AHDC1: variants seen among roughly 807,000 people sequenced by gnomAD.
AHDC1 encodes transcription factor Gibbin.
AHDC1 carries 7 observed loss-of-function variants against 87.9 expected under a neutral mutation model. The ratio of observed to expected loss-of-function variants is 0.08; its 90% CI spans 0.05 to 0.15. The LOEUF (loss-of-function observed/expected upper bound fraction) is 0.15, where lower values mean the gene tolerates loss of function less well. AHDC1 is among the 10% of genes least tolerant of loss of function. The pLI, the probability that AHDC1 is intolerant of heterozygous loss-of-function variation, is 1.00. For synonymous variants in AHDC1, 1,051 were observed against 1,006.8 expected, an observed-to-expected ratio of 1.04 and a Z score of -0.83; for missense variants, 1,841 against 2,253.2, an observed-to-expected ratio of 0.82 and a Z score of 3.70.
intron 3 of AHDC1, among the ~76,000 whole-genome samples, chr1:27,577,542 CA>C (rs1247818820): frequency 6.6e-6 from 1 of 152,186 alleles, no homozygotes; most frequent in East Asian, 1.9e-4. Context: ...AGATGGCATA[CA>C]GGGGGAACAG....
chr1:27,536,616 T>C (rs1019517673), intron 8 of AHDC1, among the ~76,000 whole-genome samples: 3 of 152,136 alleles, frequency 2.0e-5, no homozygotes, highest in African/African-American at 7.2e-5. Flanking sequence ...TGATTTTATC[T>C]GGGGTAACTG....
rs2020050363 is a variant in AHDC1 at position 27,560,935 on chromosome 1, T to C, written c.-628-2052A>G. 6.6e-6 allele frequency among the ~76,000 whole-genome samples: 1 copy of C among 152,086 alleles called. No individual in the cohort carries two copies. Among genetic ancestry groups the C allele is most frequent in the South Asian group, 2.1e-4 (1 of 4,806 alleles). ...TGTCACTGTGTTTGTGTGTGCCTGC[T>C]TCCCTCTTCCCTCCCTCTCCCTCCC... On this transcript the variant is annotated intron_variant, in intron 3 of 8. Coordinates refer to ENST00000673934, the MANE Select transcript of AHDC1 (RefSeq NM_001371928.1). The surrounding 1 kb of genome is among the most constrained non-coding windows in gnomAD (Gnocchi z 4.1).
chr1:27,569,010 G>A (rs1035580480), intron 3 of AHDC1, among the ~76,000 whole-genome samples: 1 of 152,012 alleles, frequency 6.6e-6, no homozygotes, highest in Non-Finnish European at 1.5e-5. Context: ...CCAGAAATCG[G>A]CCGTAAGAAG....
In AHDC1 at chr1:27,598,695, G is replaced by A. The variant is rs2089444009; in HGVS notation, c.-629+4702C>T. 6.6e-6 allele frequency among the ~76,000 whole-genome samples: 1 copy of A among 152,152 alleles called. No individual in the cohort carries two copies. The highest frequency in any genetic ancestry group is 2.1e-4 in the South Asian group (1 of 4,832). ...TCACACCAGTGTCACCCCCACAACAGTGGAGGCTGGTTTTGGCCATGTAGT... is the reference window on the plus strand; with the variant it reads ...TCACACCAGTGTCACCCCCACAACAATGGAGGCTGGTTTTGGCCATGTAGT... On this transcript the variant is annotated intron_variant, in intron 3 of 8. Transcript: ENST00000673934. This position sits in a 1 kb window ranked among gnomAD's most constrained non-coding sequence, Gnocchi z 4.2.
At position 27,549,270 on chromosome 1, in the gene AHDC1, G is replaced by A. The variant is rs2019380120; in HGVS notation, c.2846C>T (p.Pro949Leu). The A allele has an allele frequency of 6.2e-7, 1 of 1,603,748 alleles. No homozygotes were observed. ...TGAGCGGGCCATGGCTGAGGGCGGG[G>A]GCACCAGCTTGGGGAAGGTCTCGGC... ...RAAETFPKLV[P>L]PPSAMARSPT... The change falls in exon 8 of 9, where the codon CCC (proline) becomes CTC (leucine). Residue 949 changes from proline to leucine, a missense_variant. Physicochemically the swap from Pro to Leu is moderately conservative, Grantham distance 98. Around this residue, in one of 13 missense-constraint regions of AHDC1, gnomAD observed 378 missense variants for 399.0 expected, o/e 0.95. Transcript: ENST00000673934.
rs756730820 is a variant in AHDC1 at position 27,551,977 on chromosome 1, G to C, written c.139C>G (p.Pro47Ala). 1.9e-5 allele frequency: 29 copies of C among 1,493,162 alleles called. No homozygotes were observed. Among genetic ancestry groups the C allele is most frequent in the Non-Finnish European group, 2.5e-5 (28 of 1,119,882 alleles). 92.5% of individuals were successfully genotyped at this position (1,493,162 alleles called of 1,614,324 possible). A position where few individuals can be genotyped will look rare whatever the true frequency, so the allele number is the denominator to read the frequency against. The part of the protein sequence containing the change: ...PLLPTRPPAS[P>A]PDKAFSTHAF... The stretch of plus-strand genomic sequence containing the variant: ...TGGGTGGAGAAGGCCTTGTCAGGTG[G>C]GCTGGCAGGGGGCCGGGTGGGAAGC... Residue 47 changes from proline to alanine, a missense_variant, in exon 8 of 9, where the codon CCA becomes GCA. This residue lies in a region of AHDC1 where 142 missense variants were observed against 165.6 expected (regional missense o/e 0.86). Transcript: ENST00000673934.
At chr1:27,586,009 C>A (rs866976968) in intron 3 of AHDC1, among the ~76,000 whole-genome samples, 31 of 152,278 alleles carry the variant, frequency 2.0e-4, no homozygotes, top group African/African-American at 7.0e-4. Flanking sequence ...ATGCTGGTGT[C>A]CCACAGGCCC....
intron 3 of AHDC1, among the ~76,000 whole-genome samples, chr1:27,572,372 G>A (rs562275810): frequency 2.0e-5 from 3 of 152,046 alleles, no homozygotes; most frequent in African/African-American, 7.2e-5. Context: ...AGATAGAAGG[G>A]AAGAGGCACC....
intron 3 of AHDC1, among the ~76,000 whole-genome samples, chr1:27,587,162 G>A (rs1025939348): frequency 1.3e-5 from 2 of 152,186 alleles, no homozygotes; most frequent in Non-Finnish European, 2.9e-5. Flanking sequence ...AAGACTAATC[G>A]GCTCATTGCA....
At chr1:27,539,125 CT>C (rs1269705597) in intron 8 of AHDC1, among the ~76,000 whole-genome samples, 1 of 148,466 alleles carries the variant, frequency 6.7e-6, no homozygotes, top group African/African-American at 2.5e-5. Context: ...TCCAGAGAAG[CT>C]TTTTTTCTTT....
At chr1:27,575,503 C>T (rs1571305311) in intron 3 of AHDC1, among the ~76,000 whole-genome samples, 1 of 152,098 alleles carries the variant, frequency 6.6e-6, no homozygotes, top group African/African-American at 2.4e-5. Context: ...CCCCTAGGGT[C>T]GGGCGCCAGG....
In AHDC1 at chr1:27,549,463, G is replaced by C. The variant is rs2019395739; in HGVS notation, c.2653C>G (p.Leu885Val). 6.2e-6 allele frequency: 10 copies of C among 1,612,932 alleles called. No homozygotes were observed. The highest frequency in any genetic ancestry group is 8.5e-6 in the Non-Finnish European group (10 of 1,179,824). The change falls in exon 8 of 9, where the codon CTG (leucine) becomes GTG (valine). Residue 885 changes from leucine to valine, a missense_variant. Leu to Val is a conservative substitution (Grantham distance 32, BLOSUM62 1). Coordinates refer to ENST00000673934, the MANE Select transcript of AHDC1 (RefSeq NM_001371928.1). ...GCTCCCCGGCTAGGGAAGGTGGCCA[G>C]GCCCCGCTGGGCAGGCAGGGCACTG... Reference protein sequence around the residue: ...PTSALPAQRGLATFPSRGAKA... With the variant: ...PTSALPAQRGVATFPSRGAKA...
intron 8 of AHDC1, among the ~76,000 whole-genome samples, chr1:27,537,738 C>T (rs1218552426): frequency 6.6e-6 from 1 of 152,196 alleles, no homozygotes; most frequent in Non-Finnish European, 1.5e-5. Flanking sequence ...TTTAGTGCCT[C>T]CGTGACACAC....
chr1:27,565,516 C>T lies in AHDC1; in HGVS notation c.-628-6633G>A, dbSNP rs1479164939. ...CACCCAACCCTTAAGGAGACAGGAC[C>T]CTGATTCCACCCATGCCCTGGACAA... On this transcript the variant is annotated intron_variant, in intron 3 of 8. Transcript: ENST00000673934. The surrounding 1 kb of genome is among the most constrained non-coding windows in gnomAD (Gnocchi z 4.6). Among the ~76,000 whole-genome samples, 3 of 152,176 alleles carry T rather than the reference C, an allele frequency of 2.0e-5. No homozygotes were observed. The highest frequency in any genetic ancestry group is 4.4e-5 in the Non-Finnish European group (3 of 68,034).
chr1:27,594,195 G>A (rs1482903694), intron 3 of AHDC1, among the ~76,000 whole-genome samples: 1 of 152,136 alleles, frequency 6.6e-6, no homozygotes, highest in Non-Finnish European at 1.5e-5. Flanking sequence ...AACCTTCACT[G>A]TCGGAACTGA....
At chr1:27,578,406 C>T (rs1443257975) in intron 3 of AHDC1, among the ~76,000 whole-genome samples, 1 of 151,764 alleles carries the variant, frequency 6.6e-6, no homozygotes, top group Admixed American at 6.6e-5. Flanking sequence ...CTGGCCAACA[C>T]GGTGACACCC....
chr1:27,549,069 T>C lies in AHDC1; in HGVS notation c.3047A>G (p.His1016Arg). The C allele has an allele frequency of 1.9e-6, 3 of 1,562,626 alleles. No individual in the cohort carries two copies. The highest frequency in any genetic ancestry group is 2.6e-6 in the Non-Finnish European group (3 of 1,154,414). The part of the protein sequence containing the change: ...NSLPASPSSA[H>R]SAGYAPPPTG... Reference sequence around the variant, plus strand: ...AGGCGGTGGGGCATAGCCGGCGCTGTGGGCGCTGCTGGGTGAGGCAGGGAG... The same window carrying C: ...AGGCGGTGGGGCATAGCCGGCGCTGCGGGCGCTGCTGGGTGAGGCAGGGAG... Residue 1016 changes from histidine to arginine, a missense_variant, in exon 8 of 9, where the codon CAC (histidine) becomes CGC (arginine). This residue lies in a region of AHDC1 where 378 missense variants were observed against 399.0 expected (regional missense o/e 0.95). Transcript: ENST00000673934.
chr1:27,578,447 G>A (rs1041769085), intron 3 of AHDC1, among the ~76,000 whole-genome samples: 2 of 151,782 alleles, frequency 1.3e-5, no homozygotes, highest in African/African-American at 4.8e-5. Flanking sequence ...AAATTAGCTG[G>A]GTGTGGTGGT....
At chr1:27,545,793 G>A (rs1316482301) in intron 8 of AHDC1, among the ~76,000 whole-genome samples, 2 of 152,152 alleles carry the variant, frequency 1.3e-5, no homozygotes, top group East Asian at 3.9e-4. Flanking sequence ...GCAGAGCTGC[G>A]AGAGCCTAAG....
Sources: gnomAD v4.1 joint callset for allele counts (sites outside exome capture counted in the v4.1 genomes callset) on GRCh38, gnomAD v4.1.1 for gene constraint, gnomAD v4.1.1 regional missense constraint, Gnocchi (gnomAD v3.1) non-coding constraint, MANE v1.5 for transcripts, NCBI Gene and HGNC (gene_info 2026-07-23, HGNC 2026-07-21) for gene names.